The following DEAF1 variants were observed in gnomAD, a reference collection of about 807,000 sequenced individuals.
The protein encoded by DEAF1 is deformed epidermal autoregulatory factor 1 homolog.
DEAF1 carries 53 observed loss-of-function variants against 58.9 expected under a neutral mutation model. The ratio of observed to expected loss-of-function variants is 0.90; its 90% CI spans 0.72 to 1.13. The LOEUF (loss-of-function observed/expected upper bound fraction) is 1.13, where lower values mean the gene tolerates loss of function less well. DEAF1 is among the 50% of genes most tolerant of loss of function. DEAF1 has a pLI of 0.00. For missense variants in DEAF1, 685 were observed against 791.4 expected, an observed-to-expected ratio of 0.87 and a Z score of 1.61; for synonymous variants, 385 against 340.4, an observed-to-expected ratio of 1.13 and a Z score of -1.44.
rs1215798901 is a variant in DEAF1 at position 680,966 on chromosome 11, T to A, written c.994A>T (p.Thr332Ser). Residue 332 changes from threonine (T) to serine (S), a missense_variant, in exon 7 of 12, where the codon ACC becomes TCC. Physicochemically the swap from Thr to Ser is moderately conservative, Grantham distance 58. Around this residue, in one of 3 missense-constraint regions of DEAF1, gnomAD observed 343 missense variants for 379.8 expected, o/e 0.90. Transcript: ENST00000382409. ...ITLLPATAATTFTVTPSGQIT... is the reference protein window; with the variant it reads ...ITLLPATAATSFTVTPSGQIT... Reference sequence around the variant, plus strand: ...AGCTGTGTTTTCTCAAACTCACAGGTGGTAGCCGCGGTGGCTGGAAGCAAT... The same window carrying A: ...AGCTGTGTTTTCTCAAACTCACAGGAGGTAGCCGCGGTGGCTGGAAGCAAT... The A allele has an allele frequency of 6.2e-7, 1 of 1,613,884 alleles. No homozygotes were observed. Among genetic ancestry groups the A allele is most frequent in the East Asian group, 2.2e-5 (1 of 44,878 alleles).
chr11:678,232 C>T lies in DEAF1; in HGVS notation c.1255+462G>A, dbSNP rs1003814365. The T allele has an allele frequency of 1.1e-4, 21 of 190,920 alleles. No homozygotes were observed. In the East Asian group the frequency reaches 2.1e-3, roughly 19 times the overall value. 11.8% of individuals were successfully genotyped at this position (190,920 alleles called of 1,614,324 possible). ...TCAAAAAAATAGAAGTGCAGTTAAACGAAAAATCAAAGTTAGAATGCATTT... is the reference window on the plus strand; with the variant it reads ...TCAAAAAAATAGAAGTGCAGTTAAATGAAAAATCAAAGTTAGAATGCATTT... On this transcript the variant is annotated intron_variant, in intron 9 of 11. Transcript: ENST00000382409.
Position 677,669 on chromosome 11 carries a change from T to C in DEAF1, c.1255+1025A>G, listed in dbSNP as rs1225867634. On this transcript the variant is annotated intron_variant, in intron 9 of 11. Coordinates refer to ENST00000382409, the MANE Select transcript of DEAF1 (RefSeq NM_021008.4). Reference sequence around the variant, plus strand: ...ATATGCACCCTTTAAAAAAGTATAATGATGGCTGGGCACGATGGCTCACGC... The same window carrying C: ...ATATGCACCCTTTAAAAAAGTATAACGATGGCTGGGCACGATGGCTCACGC... Among the ~76,000 whole-genome samples, 6 of 106,402 alleles carry C rather than the reference T, an allele frequency of 5.6e-5. 2 individuals are homozygous for C. In the East Asian group the frequency reaches 2.7e-3, roughly 47 times the overall value. 69.8% of individuals were successfully genotyped at this position (106,402 alleles called of 152,430 possible). A position where few individuals can be genotyped will look rare whatever the true frequency, so the allele number is the denominator to read the frequency against.
intron 1 of DEAF1, among the ~76,000 whole-genome samples, chr11:702,578 G>A (rs1428570135): frequency 6.6e-6 from 1 of 152,230 alleles, no homozygotes; most frequent in African/African-American, 2.4e-5. Flanking sequence ...AATACTTTGG[G>A]AATTTTTCAA....
In DEAF1 at chr11:681,074, GC is replaced by G; in HGVS notation, c.885del (p.Arg295SerfsTer20). 6.2e-7 allele frequency: 1 copy of G among 1,614,080 alleles called. No homozygotes were observed. Among genetic ancestry groups the G allele is most frequent in the Non-Finnish European group, 8.5e-7 (1 of 1,180,026 alleles). ...CDDMTLSGPV[R>X]LFVPYKRRKK... Reference sequence around the variant, plus strand: ...TTGCGCCTTTTGTAAGGCACAAAAAGCCTGACTGGGCCACTCTGGGGGAGAA... The same window carrying G: ...TTGCGCCTTTTGTAAGGCACAAAAAGCTGACTGGGCCACTCTGGGGGAGAA... On this transcript the variant is annotated frameshift_variant, in exon 7 of 12. Transcript: ENST00000382409. LOFTEE classifies it high-confidence loss of function.
At chr11:650,564 G>A (rs1858719430) in intron 11 of DEAF1, among the ~76,000 whole-genome samples, 1 of 152,106 alleles carries the variant, frequency 6.6e-6, no homozygotes, top group African/African-American at 2.4e-5. Context: ...TGTTGGCCAG[G>A]CTGGCCCTGG....
At chr11:676,053 C>T (rs1223585603) in intron 9 of DEAF1, among the ~76,000 whole-genome samples, 1 of 56,084 alleles carries the variant, frequency 1.8e-5, no homozygotes, top group African/African-American at 6.8e-5. Flanking sequence ...CCCGACAACC[C>T]CCAGCATCCG....
At chr11:701,406 CTTTTTTTTTT>C (rs71022955) in intron 1 of DEAF1, among the ~76,000 whole-genome samples, 2 of 64,900 alleles carry the variant, frequency 3.1e-5, no homozygotes, top group Admixed American at 4.3e-4. Flanking sequence ...GACAAGGTTT[CTTTTTTTTTT>C]TTTTTTTTTT....
intron 10 of DEAF1, among the ~76,000 whole-genome samples, chr11:661,398 ATT>A (rs530845985): frequency 6.9e-6 from 1 of 145,468 alleles, no homozygotes; most frequent in Non-Finnish European, 1.5e-5. Flanking sequence ...GCTACATTTG[ATT>A]TTTTTTTTTT....
rs34831036 is a variant in DEAF1, at chr11:684,123, C to CTTT, written c.870+772_870+774dup. On this transcript the variant is annotated intron_variant, in intron 6 of 11. Transcript: ENST00000382409. ...AGAACACGGTAGGTCTCTCCATGCT[C>CTTT]TTTTTTTTTTTTTTTGAGGTGCAGT... Among the ~76,000 whole-genome samples the CTTT allele has an allele frequency of 5.6e-4, 80 of 143,822 alleles. 1 individual carries two copies. In the East Asian group the frequency reaches 0.013, roughly 23 times the overall value. The allele number at this position is 143,822 out of a possible 152,430, so 94.4% of individuals were successfully genotyped here.
chr11:669,856 G>A (rs1281662190), intron 10 of DEAF1, among the ~76,000 whole-genome samples: 1 of 148,384 alleles, frequency 6.7e-6, no homozygotes, highest in Non-Finnish European at 1.5e-5. Context: ...CTTAAACCTG[G>A]GAGGCGAAGG....
intron 1 of DEAF1, chr11:704,342 C>T: frequency 1.2e-6 from 1 of 867,108 alleles, no homozygotes; most frequent in Non-Finnish European, 1.6e-6. Flanking sequence ...GTGGCTGTGG[C>T]TGTGGCACCT....
chr11:701,409 T>TC (rs1352307131), intron 1 of DEAF1, among the ~76,000 whole-genome samples: 1 of 127,864 alleles, frequency 7.8e-6, no homozygotes, highest in Non-Finnish European at 1.7e-5. Flanking sequence ...AAGGTTTCTT[T>TC]TTTTTTTTTT....
intron 1 of DEAF1, chr11:702,957 A>G: frequency 1.2e-6 from 2 of 1,608,506 alleles, no homozygotes; most frequent in East Asian, 4.5e-5. Flanking sequence ...ACCAGGGGCA[A>G]CCTGACAGAG....
At chr11:690,261 GAGGGC>G (rs202101515) in intron 2 of DEAF1, among the ~76,000 whole-genome samples, 4 of 10,238 alleles carry the variant, frequency 3.9e-4, no homozygotes, top group Non-Finnish European at 5.1e-4. Context: ...GAGGGGAGGG[GAGGGC>G]AGGGCAGGGG....
intron 10 of DEAF1, among the ~76,000 whole-genome samples, chr11:667,941 G>A (rs1281351203): frequency 2.6e-5 from 4 of 151,488 alleles, no homozygotes; most frequent in East Asian, 1.9e-4. Context: ...GCGAAACCCC[G>A]TCTCTACCAA....
At chr11:674,903 G>A in intron 9 of DEAF1, 120 bp from the exon 10 acceptor site, 1 of 1,351,386 alleles carries the variant, frequency 7.4e-7, no homozygotes, top group Non-Finnish European at 1.0e-6. Context: ...CCAGCACTTT[G>A]GGAGGCCAAG....
chr11:686,723 C>T (rs1860608746), intron 5 of DEAF1, 135 bp downstream of exon 5: 1 of 1,203,760 alleles, frequency 8.3e-7, no homozygotes, highest in Non-Finnish European at 1.2e-6. Context: ...CGCCCAAGGC[C>T]ACACAGACAG....
At chr11:653,083 C>CAAAAA (rs71022946) in intron 11 of DEAF1, among the ~76,000 whole-genome samples, 2 of 62,270 alleles carry the variant, frequency 3.2e-5, no homozygotes, top group Non-Finnish European at 5.4e-5. Context: ...GACTCTGTCT[C>CAAAAA]AAAAAAAAAA....
chr11:650,919 C>A (rs1464940628), intron 11 of DEAF1, among the ~76,000 whole-genome samples: 1 of 152,080 alleles, frequency 6.6e-6, no homozygotes, highest in Non-Finnish European at 1.5e-5. Context: ...AAGATGCAAA[C>A]ATTCACCATA....
Sources: allele counts gnomAD v4.1 joint callset (sites outside exome capture counted in the v4.1 genomes callset), GRCh38; gene constraint gnomAD v4.1.1; regional missense constraint gnomAD v4.1.1; transcripts MANE v1.5; gene names NCBI Gene and HGNC (gene_info 2026-07-23, HGNC 2026-07-21).